TNS3: variants seen among roughly 807,000 people sequenced by gnomAD.
TNS3 encodes tensin 3.
In TNS3, 45 loss-of-function variants were observed where a neutral mutation model predicts 140.9. That is an observed-to-expected ratio of 0.32 (90% CI 0.25 to 0.41). The LOEUF (loss-of-function observed/expected upper bound fraction) is 0.41, where lower values mean the gene tolerates loss of function less well. Ranked by LOEUF, TNS3 falls within the 10% of genes least tolerant of loss-of-function variation. The pLI is 1.00. For missense variants in TNS3, 1,716 were observed against 1,906.7 expected, an observed-to-expected ratio of 0.90 and a Z score of 1.86; for synonymous variants, 815 against 788.4, an observed-to-expected ratio of 1.03 and a Z score of -0.56.
At chr7:47,284,163 C>T (rs1051277729) in intron 27 of TNS3, among the ~76,000 whole-genome samples, 6 of 152,188 alleles carry the variant, frequency 3.9e-5, no homozygotes, top group African/African-American at 7.2e-5. Context: ...GCTTTCTATT[C>T]GCCCTGCAGC....
chr7:47,449,135 G>A (rs907713081), intron 4 of TNS3, among the ~76,000 whole-genome samples: 35 of 152,246 alleles, frequency 2.3e-4, no homozygotes, highest in African/African-American at 8.4e-4. Context: ...ACTGCCCAGG[G>A]AAGTCACTGC....
intron 10 of TNS3, 134 bp from the exon 11 acceptor site, chr7:47,415,340 G>T: frequency 1.6e-6 from 1 of 621,214 alleles, no homozygotes. Context: ...CACAGCCAGG[G>T]GTTCTCAGCA....
chr7:47,325,875 T>C (rs1787999151), intron 20 of TNS3, among the ~76,000 whole-genome samples: 1 of 151,982 alleles, frequency 6.6e-6, no homozygotes, highest in African/African-American at 2.4e-5. Context: ...GACAGGGAAG[T>C]GGAAACAGAA....
intron 1 of TNS3, among the ~76,000 whole-genome samples, chr7:47,569,945 T>C (rs1450458433): frequency 6.6e-6 from 1 of 151,960 alleles, no homozygotes; most frequent in Non-Finnish European, 1.5e-5. Flanking sequence ...GGTCAAGAGT[T>C]CCAGACCAGC....
At chr7:47,370,353 C>T (rs1317049613) in intron 16 of TNS3, among the ~76,000 whole-genome samples, 1 of 152,166 alleles carries the variant, frequency 6.6e-6, no homozygotes, top group Admixed American at 6.5e-5. Context: ...AGAGAAAGTG[C>T]AGGAATTGAT....
intron 20 of TNS3, among the ~76,000 whole-genome samples, chr7:47,326,788 T>A (rs1169422718): frequency 1.3e-5 from 2 of 152,318 alleles, no homozygotes; most frequent in East Asian, 3.9e-4. Context: ...AGGAAACTTT[T>A]GAAAAGATAG....
intron 4 of TNS3, among the ~76,000 whole-genome samples, chr7:47,478,916 C>A (rs1489740973): frequency 7.0e-6 from 1 of 143,598 alleles, no homozygotes; most frequent in Non-Finnish European, 1.5e-5. Context: ...TGTATTTGTA[C>A]GCACAACAAT....
At chr7:47,399,960 C>G (rs1793061716) in intron 15 of TNS3, among the ~76,000 whole-genome samples, 1 of 151,104 alleles carries the variant, frequency 6.6e-6, no homozygotes, top group African/African-American at 2.4e-5. Context: ...CTTCAAGGAA[C>G]TCGAACAAAT....
chr7:47,486,301 G>T (rs1158085918), intron 3 of TNS3, among the ~76,000 whole-genome samples: 3 of 151,870 alleles, frequency 2.0e-5, no homozygotes, highest in South Asian at 2.1e-4. Flanking sequence ...ACTGAGTTTT[G>T]TAAGTGTGTC....
intron 20 of TNS3, among the ~76,000 whole-genome samples, chr7:47,343,260 C>T (rs1374841083): frequency 6.6e-6 from 1 of 152,196 alleles, no homozygotes; most frequent in Non-Finnish European, 1.5e-5. Flanking sequence ...CCACTGGGTA[C>T]CCCACGCTGA....
chr7:47,553,529 A>T (rs1381315011), intron 1 of TNS3, among the ~76,000 whole-genome samples: 2 of 152,246 alleles, frequency 1.3e-5, no homozygotes, highest in East Asian at 3.8e-4. Context: ...TAAAGCCTGG[A>T]TGACAGAACT....
chr7:47,277,939 G>A lies in TNS3; in HGVS notation c.*137C>T, dbSNP rs1208070614. The A allele has an allele frequency of 2.0e-6, 2 of 983,140 alleles. No individual in the cohort carries two copies. The highest frequency in any genetic ancestry group is 1.4e-5 in the South Asian group (1 of 72,352). 60.9% of individuals were successfully genotyped at this position (983,140 alleles called of 1,614,324 possible). On this transcript the variant is annotated 3_prime_UTR_variant, in exon 31 of 31. Transcript: ENST00000311160. ...TGTTTGTTCTTGTTTTTGCAGAGCT[G>A]GAAGATCCTCTTTCCCCTCATGGGC...
chr7:47,340,113 ATATTTTTTTTT>A (rs1788901534), intron 20 of TNS3, among the ~76,000 whole-genome samples: 1 of 42,038 alleles, frequency 2.4e-5, no homozygotes, highest in East Asian at 7.4e-4. Flanking sequence ...ATATATATAT[ATATTTTTTTTT>A]TTTTTTTTTT....
At chr7:47,580,473 C>T (rs941412745) in intron 1 of TNS3, among the ~76,000 whole-genome samples, 1 of 152,150 alleles carries the variant, frequency 6.6e-6, no homozygotes, top group Non-Finnish European at 1.5e-5. Context: ...GTCGGGCTTG[C>T]TGCCAGTTCC....
intron 16 of TNS3, among the ~76,000 whole-genome samples, chr7:47,393,524 C>T (rs866006447): frequency 6.6e-6 from 1 of 152,090 alleles, no homozygotes; most frequent in Non-Finnish European, 1.5e-5. Context: ...GCTAAGCATC[C>T]GGATACCAGT....
chr7:47,297,125 C>T lies in TNS3; in HGVS notation c.3633G>A (p.Lys1211=), dbSNP rs1322693690. Reference sequence around the variant, plus strand: ...GGACTGAAGGTGGGGGCGTGGCCACCTTCATGGCCAGGCCATAGGCCCCTC... The same window carrying T: ...GGACTGAAGGTGGGGGCGTGGCCACTTTCATGGCCAGGCCATAGGCCCCTC... ...SFRGAYGLAM[K]VATPPPSVLQ... Residue 1211 remains lysine, a synonymous_variant, in exon 24 of 31, where the codon AAG becomes AAA. Transcript: ENST00000311160. The T allele has an allele frequency of 6.2e-7, 1 of 1,614,094 alleles. No individual in the cohort carries two copies. Among genetic ancestry groups the T allele is most frequent in the Non-Finnish European group, 8.5e-7 (1 of 1,180,030 alleles).
chr7:47,513,569 T>C (rs747230698), intron 2 of TNS3, among the ~76,000 whole-genome samples: 1 of 152,274 alleles, frequency 6.6e-6, no homozygotes, highest in African/African-American at 2.4e-5. Flanking sequence ...TGTATCTTTT[T>C]AGATGTTCAA....
intron 20 of TNS3, among the ~76,000 whole-genome samples, chr7:47,307,781 T>C (rs1786844180): frequency 6.6e-6 from 1 of 152,236 alleles, no homozygotes; most frequent in African/African-American, 2.4e-5. Context: ...TCCTTTTCCT[T>C]TTTTTCACTA....
intron 20 of TNS3, among the ~76,000 whole-genome samples, chr7:47,343,260 C>A (rs1374841083): frequency 2.0e-5 from 3 of 152,196 alleles, no homozygotes; most frequent in African/African-American, 7.2e-5. Context: ...CCACTGGGTA[C>A]CCCACGCTGA....
Sources: gnomAD v4.1 joint callset for allele counts (sites outside exome capture counted in the v4.1 genomes callset) on GRCh38, gnomAD v4.1.1 for gene constraint, MANE v1.5 for transcripts, NCBI Gene and HGNC (gene_info 2026-07-23, HGNC 2026-07-21) for gene names.